Variants in LRRC4C observed in about 807,000 individuals in gnomAD.
LRRC4C encodes leucine rich repeat containing 4C.
Under a neutral mutation model 33.6 loss-of-function variants are expected in LRRC4C, and 5 were observed. That is an observed-to-expected ratio of 0.15 (90% confidence interval 0.08 to 0.31). LRRC4C has a LOEUF of 0.31. Ranked by LOEUF, LRRC4C falls within the 10% of genes least tolerant of loss-of-function variation. The probability of loss-of-function intolerance (pLI) is 1.00; values close to 1 mark genes in which losing one functional copy is unlikely to be tolerated. For synonymous variants in LRRC4C, 329 were observed against 302.0 expected (o/e 1.09, Z -0.93); for missense variants, 560 against 796.7 (o/e 0.70, Z 3.58).
At chr11:40,538,524 G>C (rs1956571871) in intron 3 of LRRC4C, among the ~76,000 whole-genome samples, 1 of 152,110 alleles carries the variant, frequency 6.6e-6, no homozygotes, top group African/African-American at 2.4e-5. Flanking sequence ...TCTTAATCCA[G>C]TCTATCATTG....
intron 6 of LRRC4C, among the ~76,000 whole-genome samples, chr11:40,130,030 T>C (rs188803368): frequency 1.3e-5 from 2 of 152,346 alleles, no homozygotes; most frequent in East Asian, 3.9e-4. Flanking sequence ...TCTTATTCAC[T>C]TTTTGATATT....
At chr11:41,195,677 A>G (rs1289047555) in intron 1 of LRRC4C, among the ~76,000 whole-genome samples, 1 of 152,106 alleles carries the variant, frequency 6.6e-6, no homozygotes, top group Non-Finnish European at 1.5e-5. Flanking sequence ...ATAACATCAG[A>G]AAGAGCAGTT....
intron 2 of LRRC4C, among the ~76,000 whole-genome samples, chr11:40,782,691 A>G (rs1418821471): frequency 6.6e-6 from 1 of 152,168 alleles, no homozygotes; most frequent in Non-Finnish European, 1.5e-5. Context: ...GACAAAGATT[A>G]TTAATAGAGT....
chr11:40,912,570 T>C (rs1314755565), intron 2 of LRRC4C, among the ~76,000 whole-genome samples: 12 of 152,178 alleles, frequency 7.9e-5, no homozygotes, highest in African/African-American at 2.4e-4. Context: ...AAGGAACAAC[T>C]GGTACCAGCC....
At chr11:41,385,397 T>A (rs1451519464) in intron 1 of LRRC4C, among the ~76,000 whole-genome samples, 1 of 151,504 alleles carries the variant, frequency 6.6e-6, no homozygotes, top group Non-Finnish European at 1.5e-5. Flanking sequence ...CTGAACAAAT[T>A]TCAAATGCTT....
chr11:40,632,755 C>T (rs1259959323), intron 3 of LRRC4C, among the ~76,000 whole-genome samples: 7 of 152,162 alleles, frequency 4.6e-5, no homozygotes, highest in Admixed American at 2.0e-4. Context: ...GTGACCAAGA[C>T]GGTATGTGGC....
intron 1 of LRRC4C, among the ~76,000 whole-genome samples, chr11:41,172,719 C>G (rs1053522770): frequency 2.0e-5 from 3 of 152,072 alleles, no homozygotes; most frequent in Admixed American, 1.3e-4. Flanking sequence ...ACAGTTTTTA[C>G]CAATTTATTC....
At chr11:40,512,233 G>T (rs931283723) in intron 3 of LRRC4C, among the ~76,000 whole-genome samples, 1 of 152,078 alleles carries the variant, frequency 6.6e-6, no homozygotes, top group Non-Finnish European at 1.5e-5. Context: ...AAATTAGCCA[G>T]TTGTGGTGGT....
Position 40,305,929 on chromosome 11 carries a change from T to G in LRRC4C, c.-176+13699A>C, listed in dbSNP as rs562639522. On this transcript the variant is annotated intron_variant, in intron 4 of 6. Transcript: ENST00000528697. ...TATTAATAAATGTATGATACCAAGT[T>G]GTGCGTTACTATGGGTTCTGTCTTC... 2.0e-5 allele frequency among the ~76,000 whole-genome samples: 3 copies of G among 152,320 alleles called. No individual in the cohort carries two copies. In the South Asian group the frequency reaches 6.2e-4, roughly 32 times the overall value.
intron 1 of LRRC4C, among the ~76,000 whole-genome samples, chr11:41,252,004 T>C (rs1948654019): frequency 6.6e-6 from 1 of 151,994 alleles, no homozygotes; most frequent in African/African-American, 2.4e-5. Context: ...CAGGTGTTAA[T>C]ATGAAAAAAA....
intron 1 of LRRC4C, among the ~76,000 whole-genome samples, chr11:41,005,238 C>T (rs1050745101): frequency 1.3e-5 from 2 of 152,146 alleles, no homozygotes; most frequent in Admixed American, 6.5e-5. Context: ...GTGTTTGAAG[C>T]ATGGGGGCAG....
chr11:40,770,957 C>T (rs906946692), intron 2 of LRRC4C, among the ~76,000 whole-genome samples: 2 of 152,148 alleles, frequency 1.3e-5, no homozygotes, highest in Admixed American at 6.5e-5. Flanking sequence ...CTTTTCTAGG[C>T]ACTCACTGGA....
intron 2 of LRRC4C, among the ~76,000 whole-genome samples, chr11:40,892,427 CT>C (rs989369706): frequency 1.3e-5 from 2 of 152,118 alleles, no homozygotes; most frequent in African/African-American, 4.8e-5. Context: ...AGCAACCCCA[CT>C]TTTATCCAAA....
intron 3 of LRRC4C, among the ~76,000 whole-genome samples, chr11:40,371,705 C>T (rs1948456840): frequency 6.6e-6 from 1 of 152,112 alleles, no homozygotes. Context: ...GGTTTGATGG[C>T]TTCAGAGAGA....
chr11:40,173,324 C>T (rs368080133), intron 5 of LRRC4C, among the ~76,000 whole-genome samples: 40 of 152,268 alleles, frequency 2.6e-4, no homozygotes, highest in Middle Eastern at 3.4e-3. Context: ...GATCACTTTC[C>T]ACACTAGAAT....
At chr11:41,263,706 C>T (rs906953146) in intron 1 of LRRC4C, among the ~76,000 whole-genome samples, 1 of 152,016 alleles carries the variant, frequency 6.6e-6, no homozygotes. Flanking sequence ...ACAGGTCATT[C>T]GGGTAACAGT....
intron 5 of LRRC4C, among the ~76,000 whole-genome samples, chr11:40,146,630 C>G (rs557158281): frequency 1.3e-5 from 2 of 152,152 alleles, no homozygotes; most frequent in Non-Finnish European, 2.9e-5. Flanking sequence ...GTGTTCCTGA[C>G]GGAATGGCTT....
intron 2 of LRRC4C, among the ~76,000 whole-genome samples, chr11:40,895,610 A>C (rs1183223675): frequency 1.3e-5 from 2 of 152,138 alleles, no homozygotes; most frequent in African/African-American, 2.4e-5. Flanking sequence ...AGATACACAA[A>C]GCTTTGCATT....
At chr11:40,131,301 T>C (rs2134812772) in intron 6 of LRRC4C, among the ~76,000 whole-genome samples, 1 of 152,300 alleles carries the variant, frequency 6.6e-6, no homozygotes, top group East Asian at 1.9e-4. Context: ...GGCTCAATAA[T>C]TACTCCTTGT....
Sources: allele counts gnomAD v4.1 joint callset (sites outside exome capture counted in the v4.1 genomes callset), GRCh38; gene constraint gnomAD v4.1.1; transcripts MANE v1.5; gene names NCBI Gene and HGNC (gene_info 2026-07-23, HGNC 2026-07-21).